Variants in KCNIP4 observed in about 807,000 individuals in gnomAD.
KCNIP4 encodes Kv channel-interacting protein 4.
In KCNIP4, 12 loss-of-function variants were observed where a neutral mutation model predicts 34.0. That is an observed-to-expected ratio of 0.35 (90% CI 0.23 to 0.57). The LOEUF (loss-of-function observed/expected upper bound fraction) is 0.57, where lower values mean the gene tolerates loss of function less well. Ranked by LOEUF, KCNIP4 falls within the 20% of genes least tolerant of loss-of-function variation. The probability of loss-of-function intolerance (pLI) is 0.83; values close to 1 mark genes in which losing one functional copy is unlikely to be tolerated. For missense variants in KCNIP4, 238 were observed against 311.7 expected (o/e 0.76, Z 1.78); for synonymous variants, 124 against 102.2 (o/e 1.21, Z -1.29).
At chr4:21,925,219 G>A (rs5027721) in intron 1 of KCNIP4, among the ~76,000 whole-genome samples, 36,473 of 149,612 alleles carry the variant, frequency 0.24, 5,358 homozygotes, top group East Asian at 0.6. Context: ...ATCTCCTAAT[G>A]TTATCCCTTC....
chr4:20,909,461 G>A (rs931073632), intron 1 of KCNIP4, among the ~76,000 whole-genome samples: 52 of 151,976 alleles, frequency 3.4e-4, no homozygotes, highest in African/African-American at 1.1e-3. Flanking sequence ...CACAACTGTC[G>A]ACTGCATTGC....
intron 1 of KCNIP4, among the ~76,000 whole-genome samples, chr4:21,519,753 GTGTATGTA>G (rs200402734): frequency 1.4e-5 from 2 of 139,376 alleles, no homozygotes; most frequent in South Asian, 2.4e-4. Flanking sequence ...ACACACGTGT[GTGTATGTA>G]TGTGTGTATA....
In KCNIP4 at chr4:21,795,819, G is replaced by A. The variant is rs181023916; in HGVS notation, c.61+152752C>T. Among the ~76,000 whole-genome samples the A allele has an allele frequency of 7.2e-5, 11 of 152,264 alleles. No homozygotes were observed. In the East Asian group the frequency reaches 1.7e-3, roughly 24 times the overall value. Reference sequence around the variant, plus strand: ...GTGGTGGCTCACGCCTGTAATCCCAGCACTTTGGGAGGCTGAGGCAGGTGG... The same window carrying A: ...GTGGTGGCTCACGCCTGTAATCCCAACACTTTGGGAGGCTGAGGCAGGTGG... On this transcript the variant is annotated intron_variant, in intron 1 of 8. Transcript: ENST00000382152.
At chr4:21,744,319 GTAT>G (rs1253371324) in intron 1 of KCNIP4, among the ~76,000 whole-genome samples, 1 of 152,018 alleles carries the variant, frequency 6.6e-6, no homozygotes, top group Admixed American at 6.6e-5. Flanking sequence ...CTTTGTCTCT[GTAT>G]TACTCACTCT....
At chr4:21,158,163 TA>T (rs1284261689) in intron 1 of KCNIP4, among the ~76,000 whole-genome samples, 1 of 152,168 alleles carries the variant, frequency 6.6e-6, no homozygotes, top group Non-Finnish European at 1.5e-5. Flanking sequence ...AAGTTACAGT[TA>T]AAAAATTTCT....
intron 3 of KCNIP4, among the ~76,000 whole-genome samples, chr4:20,761,612 C>G (rs1754969433): frequency 6.6e-6 from 1 of 152,060 alleles, no homozygotes; most frequent in South Asian, 2.1e-4. Context: ...GGAAAGTTGC[C>G]TGGGAGTTAA....
At chr4:21,809,548 A>G (rs926897068) in intron 1 of KCNIP4, among the ~76,000 whole-genome samples, 2 of 152,156 alleles carry the variant, frequency 1.3e-5, no homozygotes, top group African/African-American at 4.8e-5. Context: ...GCATATGTTC[A>G]CCTAAAACAT....
intron 2 of KCNIP4, among the ~76,000 whole-genome samples, chr4:20,859,950 T>C (rs1015064827): frequency 5.9e-5 from 9 of 152,176 alleles, no homozygotes; most frequent in African/African-American, 1.9e-4. Context: ...AGTCCTTGCC[T>C]ATAAAGCATG....
intron 1 of KCNIP4, among the ~76,000 whole-genome samples, chr4:21,182,022 A>T (rs1442958614): frequency 2.6e-5 from 4 of 152,100 alleles, no homozygotes; most frequent in Non-Finnish European, 5.9e-5. Flanking sequence ...CCTTAGTCAG[A>T]GGAGATATAA....
chr4:20,734,467 C>T (rs6447976), intron 6 of KCNIP4, among the ~76,000 whole-genome samples, 161 bp downstream of exon 6: 50,138 of 152,036 alleles, frequency 0.33, 8,703 homozygotes, highest in African/African-American at 0.43. Flanking sequence ...CCATAAACTA[C>T]TTCTATCCCA....
At chr4:21,448,190 G>T (rs1728196994) in intron 1 of KCNIP4, among the ~76,000 whole-genome samples, 1 of 152,158 alleles carries the variant, frequency 6.6e-6, no homozygotes, top group Non-Finnish European at 1.5e-5. Flanking sequence ...TAGATTTTTG[G>T]TAGAAATATA....
chr4:21,190,250 A>G (rs1577859086), intron 1 of KCNIP4, among the ~76,000 whole-genome samples: 1 of 152,188 alleles, frequency 6.6e-6, no homozygotes. Flanking sequence ...CCACTGCAGT[A>G]TCTTTTAAGT....
intron 1 of KCNIP4, among the ~76,000 whole-genome samples, chr4:21,758,562 A>G (rs371177989): frequency 1.3e-5 from 2 of 152,216 alleles, no homozygotes; most frequent in East Asian, 3.9e-4. Flanking sequence ...TTTAATAGGC[A>G]TACTTTGTTC....
chr4:21,100,361 G>C (rs1456846029), intron 1 of KCNIP4, among the ~76,000 whole-genome samples: 1 of 152,080 alleles, frequency 6.6e-6, no homozygotes, highest in Non-Finnish European at 1.5e-5. Flanking sequence ...GACCAGCCTG[G>C]CTAACATGGT....
chr4:20,833,604 T>A (rs1173928766), intron 3 of KCNIP4, among the ~76,000 whole-genome samples: 1 of 152,222 alleles, frequency 6.6e-6, no homozygotes, highest in African/African-American at 2.4e-5. Flanking sequence ...TATTTCCACC[T>A]ACTTTTCTAA....
At chr4:21,309,449 G>A (rs1422885956) in intron 1 of KCNIP4, among the ~76,000 whole-genome samples, 1 of 152,036 alleles carries the variant, frequency 6.6e-6, no homozygotes, top group Non-Finnish European at 1.5e-5. Flanking sequence ...ATCACTTGTA[G>A]CCCATAAATA....
chr4:21,825,725 T>A (rs891869230), intron 1 of KCNIP4, among the ~76,000 whole-genome samples: 16 of 152,296 alleles, frequency 1.1e-4, no homozygotes, highest in Admixed American at 3.9e-4. Flanking sequence ...GTTCTGTGCC[T>A]GGCTCACGGT....
intron 1 of KCNIP4, among the ~76,000 whole-genome samples, chr4:21,026,816 G>A (rs1371906377): frequency 6.6e-6 from 1 of 152,150 alleles, no homozygotes; most frequent in Non-Finnish European, 1.5e-5. Context: ...CTAAGAATAT[G>A]AAACAGCATC....
At chr4:21,306,857 G>T (rs1253877303) in intron 1 of KCNIP4, among the ~76,000 whole-genome samples, 4 of 150,268 alleles carry the variant, frequency 2.7e-5, no homozygotes, top group African/African-American at 9.8e-5. Context: ...TTTCACTCTT[G>T]TTGCCCACAT....
Sources: gnomAD v4.1 joint callset for allele counts (sites outside exome capture counted in the v4.1 genomes callset) on GRCh38, gnomAD v4.1.1 for gene constraint, MANE v1.5 for transcripts, NCBI Gene and HGNC (gene_info 2026-07-23, HGNC 2026-07-21) for gene names.